The following MCPH1 variants were observed in gnomAD, a reference collection of about 807,000 sequenced individuals.
The protein encoded by MCPH1 is microcephalin 1.
MCPH1 carries 104 observed loss-of-function variants against 84.5 expected under a neutral mutation model. The observed-to-expected ratio is 1.23, with a 90% CI of 1.05 to 1.45. The LOEUF (loss-of-function observed/expected upper bound fraction) is 1.45. Among genes scored for constraint, MCPH1 ranks in the 40% most tolerant of loss-of-function variants. The pLI, the probability that MCPH1 is intolerant of heterozygous loss-of-function variation, is 0.00. For missense variants in MCPH1, 1,498 were observed against 1,005.7 expected, an observed-to-expected ratio of 1.49 and a Z score of -6.62; for synonymous variants, 514 against 366.8, an observed-to-expected ratio of 1.40 and a Z score of -4.58.
At chr8:6,515,643 A>T (rs1313600938) in intron 12 of MCPH1, among the ~76,000 whole-genome samples, 1 of 152,250 alleles carries the variant, frequency 6.6e-6, no homozygotes, top group East Asian at 1.9e-4. Flanking sequence ...TTACATAAAT[A>T]GTTTTAAATA....
At chr8:6,491,126 G>C (rs987913465) in intron 11 of MCPH1, among the ~76,000 whole-genome samples, 4 of 150,942 alleles carry the variant, frequency 2.7e-5, no homozygotes, top group African/African-American at 9.7e-5. Flanking sequence ...ATGGCAAAAA[G>C]GTGGCCACAT....
At chr8:6,473,109 T>G (rs931422126) in intron 9 of MCPH1, among the ~76,000 whole-genome samples, 1 of 152,094 alleles carries the variant, frequency 6.6e-6, no homozygotes, top group Non-Finnish European at 1.5e-5. Flanking sequence ...AAGCCTTTAT[T>G]TTTTAGGTGA....
At chr8:6,506,974 T>A (rs1161327692) in intron 12 of MCPH1, among the ~76,000 whole-genome samples, 1 of 152,136 alleles carries the variant, frequency 6.6e-6, no homozygotes, top group Non-Finnish European at 1.5e-5. Flanking sequence ...CTCGGCTCAT[T>A]GCAAACTCTG....
intron 12 of MCPH1, chr8:6,508,836 G>T: frequency 1.3e-6 from 2 of 1,532,954 alleles, no homozygotes; most frequent in South Asian, 1.1e-5. Context: ...TGTGGACATC[G>T]TTACAAATCA....
chr8:6,440,680 C>T (rs1055970933), intron 6 of MCPH1, among the ~76,000 whole-genome samples: 1 of 152,180 alleles, frequency 6.6e-6, no homozygotes, highest in Non-Finnish European at 1.5e-5. Context: ...TGGATCTGTT[C>T]TTGAAGTTAC....
intron 3 of MCPH1, among the ~76,000 whole-genome samples, chr8:6,429,972 T>A (rs185808019): frequency 7.9e-5 from 12 of 152,306 alleles, no homozygotes; most frequent in Middle Eastern, 3.4e-3. Flanking sequence ...GTCTCCTAAG[T>A]TGCATTCATT....
rs1389718208 is a variant in MCPH1, at chr8:6,444,825, A to G, written c.1103A>G (p.Lys368Arg). The G allele has an allele frequency of 2.5e-6, 4 of 1,614,066 alleles. No individual in the cohort carries two copies. Among genetic ancestry groups the G allele is most frequent in the Non-Finnish European group, 3.4e-6 (4 of 1,180,044 alleles). ...RVSHGSHSPP[K>R]EKCKRKRSTR... Reference sequence around the variant, plus strand: ...TCACATGGCTCCCATTCACCTCCGAAGGAAAAATGCAAGAGAAAGAGGAGC... The same window carrying G: ...TCACATGGCTCCCATTCACCTCCGAGGGAAAAATGCAAGAGAAAGAGGAGC... The change falls in exon 8 of 14, where the codon AAG becomes AGG. Residue 368 changes from lysine (K) to arginine (R), a missense_variant. Lys to Arg is a conservative substitution (Grantham distance 26). Transcript: ENST00000344683.
chr8:6,489,634 G>A (rs974463017), intron 11 of MCPH1, among the ~76,000 whole-genome samples: 2 of 152,330 alleles, frequency 1.3e-5, no homozygotes, highest in African/African-American at 4.8e-5. Context: ...CAGACATATT[G>A]CTGATATGTT....
chr8:6,591,987 G>A (rs758449560), intron 12 of MCPH1, among the ~76,000 whole-genome samples: 4 of 152,108 alleles, frequency 2.6e-5, no homozygotes, highest in Admixed American at 6.5e-5. Context: ...ATTCGACAAC[G>A]CAAAGTGAGA....
At chr8:6,477,493 T>A in intron 9 of MCPH1, 101 bp from the exon 10 acceptor site, 1 of 1,026,018 alleles carries the variant, frequency 9.7e-7, no homozygotes, top group South Asian at 1.3e-5. Flanking sequence ...TATTTTTAAG[T>A]GATGTAACTT....
chr8:6,536,173 C>T (rs1055921234), intron 12 of MCPH1, among the ~76,000 whole-genome samples: 2 of 152,060 alleles, frequency 1.3e-5, no homozygotes, highest in Non-Finnish European at 2.9e-5. Context: ...TCTTTAAAAA[C>T]AAGGAAGAAT....
At chr8:6,433,577 G>A (rs955009935) in intron 4 of MCPH1, among the ~76,000 whole-genome samples, 1 of 137,384 alleles carries the variant, frequency 7.3e-6, no homozygotes, top group Admixed American at 7.7e-5. Context: ...AGGTTGCAGT[G>A]AGCCCAGATC....
chr8:6,553,354 T>C (rs1263286730), intron 12 of MCPH1, among the ~76,000 whole-genome samples: 2 of 152,208 alleles, frequency 1.3e-5, no homozygotes, highest in Non-Finnish European at 2.9e-5. Context: ...TACTTTCAGA[T>C]TGCACCAGTA....
intron 12 of MCPH1, among the ~76,000 whole-genome samples, chr8:6,556,086 G>C (rs932109258): frequency 6.6e-6 from 1 of 152,106 alleles, no homozygotes; most frequent in Non-Finnish European, 1.5e-5. Flanking sequence ...CCCAGTGGGC[G>C]AGAATTGCTG....
chr8:6,486,924 C>G (rs1429753223), intron 11 of MCPH1, among the ~76,000 whole-genome samples: 1 of 152,186 alleles, frequency 6.6e-6, no homozygotes, highest in Non-Finnish European at 1.5e-5. Context: ...CCTGCACTTT[C>G]CTGTGACTTG....
chr8:6,422,548 C>G (rs1468339719), intron 3 of MCPH1, among the ~76,000 whole-genome samples: 1 of 152,186 alleles, frequency 6.6e-6, no homozygotes, highest in East Asian at 1.9e-4. Flanking sequence ...GATTCTTACT[C>G]TGCTTTGCTG....
chr8:6,506,479 C>A (rs1225475618), intron 12 of MCPH1, among the ~76,000 whole-genome samples: 4 of 152,114 alleles, frequency 2.6e-5, no homozygotes, highest in African/African-American at 9.7e-5. Context: ...TCCTACTCTC[C>A]TGAGAAGCTC....
intron 9 of MCPH1, among the ~76,000 whole-genome samples, chr8:6,471,067 T>G (rs531094741): frequency 6.5e-4 from 99 of 152,248 alleles, no homozygotes; most frequent in Admixed American, 3.9e-4. Context: ...GCCTATAAAT[T>G]TGGGGGAATG....
intron 3 of MCPH1, among the ~76,000 whole-genome samples, chr8:6,428,135 C>T (rs1282878539): frequency 6.6e-6 from 1 of 151,968 alleles, no homozygotes; most frequent in Non-Finnish European, 1.5e-5. Context: ...ACATGATAAA[C>T]TTTGTAATTT....
Sources: gnomAD v4.1 joint callset for allele counts (sites outside exome capture counted in the v4.1 genomes callset) on GRCh38, gnomAD v4.1.1 for gene constraint, MANE v1.5 for transcripts, NCBI Gene and HGNC (gene_info 2026-07-23, HGNC 2026-07-21) for gene names.